BRWD1: variants seen among roughly 807,000 people sequenced by gnomAD.
BRWD1 encodes bromodomain and WD repeat-containing protein 1.
In BRWD1, 82 loss-of-function variants were observed where a neutral mutation model predicts 251.2. The ratio of observed to expected loss-of-function variants is 0.33; its 90% CI spans 0.27 to 0.39. The LOEUF is 0.39. Among genes scored for constraint, BRWD1 ranks in the 10% least tolerant of loss-of-function variants. The pLI, the probability that BRWD1 is intolerant of heterozygous loss-of-function variation, is 1.00. For synonymous variants in BRWD1, 918 were observed against 902.8 expected (o/e 1.02, Z -0.30); for missense variants, 2,233 against 2,711.6 (o/e 0.82, Z 3.92).
intron 21 of BRWD1, among the ~76,000 whole-genome samples, chr21:39,241,184 G>T (rs1254325944): frequency 6.6e-6 from 1 of 151,270 alleles, no homozygotes; most frequent in Non-Finnish European, 1.5e-5. Context: ...TAAATAACAG[G>T]GCTGGGCATG....
chr21:39,231,502 A>C (rs2033615458), intron 25 of BRWD1, among the ~76,000 whole-genome samples: 1 of 152,226 alleles, frequency 6.6e-6, no homozygotes, highest in Admixed American at 6.5e-5. Context: ...GTTTCTGTCA[A>C]CAGTGAGTGA....
In BRWD1 at chr21:39,210,857, G is replaced by A. The variant is rs1185090343; in HGVS notation, c.3973C>T (p.Leu1325=). 1 of 1,612,866 alleles carries A rather than the reference G, an allele frequency of 6.2e-7. No individual in the cohort carries two copies. The highest frequency in any genetic ancestry group is 8.5e-7 in the Non-Finnish European group (1 of 1,179,524). ...ESNWKKQCKE[L]VNLIFQCEDS... ...TCACACTGAAAAATTAAGTTCACTAGTTCCTTACACTGTTTCTTCCAGTTG... is the reference window on the plus strand; with the variant it reads ...TCACACTGAAAAATTAAGTTCACTAATTCCTTACACTGTTTCTTCCAGTTG... Residue 1325 remains leucine (L), a synonymous_variant, in exon 35 of 41, where the codon CTA becomes TTA. Transcript: ENST00000342449.
In BRWD1 at chr21:39,196,953, T is replaced by C. The variant is rs2146454699; in HGVS notation, c.6116A>G (p.Asp2039Gly). The C allele has an allele frequency of 6.2e-7, 1 of 1,613,984 alleles. No homozygotes were observed. The highest frequency in any genetic ancestry group is 8.5e-7 in the Non-Finnish European group (1 of 1,179,924). Residue 2039 changes from aspartate to glycine, a missense_variant, in exon 41 of 41, where the codon GAT becomes GGT. Asp to Gly is a moderately conservative substitution (Grantham distance 94). Around this residue, in one of 12 missense-constraint regions of BRWD1, gnomAD observed 928 missense variants for 970.0 expected, o/e 0.96. Transcript: ENST00000342449. ...GGAACTTTTTCTTTTAGAAGGTGCATCTATTTTGTGAATATTGGTATGCCT... is the reference window on the plus strand; with the variant it reads ...GGAACTTTTTCTTTTAGAAGGTGCACCTATTTTGTGAATATTGGTATGCCT... ...KHRHTNIHKI[D>G]APSKRKSSSV... is the part of the protein sequence containing the mutation.
upstream of BRWD1, among the ~76,000 whole-genome samples, chr21:39,317,388 A>T (rs2036709708): frequency 6.6e-6 from 1 of 152,366 alleles, no homozygotes; most frequent in Non-Finnish European, 1.5e-5. Context: ...TTGCATTTTC[A>T]AGGGAACCAA....
rs530300754 is a variant in BRWD1, at chr21:39,301,751, G to A, written c.199-3169C>T. Among the ~76,000 whole-genome samples, 8 of 152,094 alleles carry A rather than the reference G, an allele frequency of 5.3e-5. No individual in the cohort carries two copies. In the East Asian group the frequency reaches 1.5e-3, roughly 29 times the overall value. On this transcript the variant is annotated intron_variant, in intron 4 of 40. Transcript: ENST00000342449. ...TAGATCATGACTACAGGACAACATA[G>A]TAAAACTGCTGAAAATCAAAGACAA...
At chr21:39,291,771 T>C (rs2035814714) in intron 8 of BRWD1, among the ~76,000 whole-genome samples, 2 of 152,114 alleles carry the variant, frequency 1.3e-5, no homozygotes, top group Non-Finnish European at 2.9e-5. Context: ...CATGATTCCT[T>C]AGTGCATCTG....
At chr21:39,220,223 C>T (rs537260397) in intron 29 of BRWD1, among the ~76,000 whole-genome samples, 1 of 152,200 alleles carries the variant, frequency 6.6e-6, no homozygotes, top group Admixed American at 6.5e-5. Context: ...CTGATCAACC[C>T]ACACGTGTGA....
intron 8 of BRWD1, among the ~76,000 whole-genome samples, chr21:39,289,805 A>G (rs889443287): frequency 2.6e-5 from 4 of 151,934 alleles, no homozygotes. Flanking sequence ...CGGGCGGATC[A>G]TGAGGTCAGG....
At chr21:39,301,077 A>G (rs4818013) in intron 4 of BRWD1, among the ~76,000 whole-genome samples, 151,815 of 151,990 alleles carry the variant, frequency 1, 75,820 homozygotes, top group Middle Eastern at 1. Context: ...TGCTGGGGAG[A>G]CTGAGGCAGG....
intron 8 of BRWD1, among the ~76,000 whole-genome samples, chr21:39,285,871 C>CAAAAAAAAAAAAAAAAAAAAA (rs113834787): frequency 2.0e-5 from 2 of 101,474 alleles, no homozygotes; most frequent in Non-Finnish European, 1.9e-5. Context: ...GCCCAGTCAA[C>CAAAAAAAAAAAAAAAAAAAAA]AAAAAAAAAA....
At chr21:39,203,446 T>C (rs867808895) in intron 37 of BRWD1, among the ~76,000 whole-genome samples, 2,374 of 136,360 alleles carry the variant, frequency 0.017, 84 homozygotes, top group African/African-American at 0.065. Context: ...TTCTTTTTTT[T>C]TTTTTTTTTT....
chr21:39,193,032 A>C lies in BRWD1; in HGVS notation c.*3227T>G. 1.0e-6 allele frequency: 1 copy of C among 985,148 alleles called. No homozygotes were observed. The allele number at this position is 985,148 out of a possible 1,614,324, so 61.0% of individuals were successfully genotyped here. ...CATAACGAGTGCAAAGGGCTTAGTG[A>C]TGCATCTTATTCTTTACTTTTGGAC... is the stretch of plus-strand genomic sequence containing the variant. On this transcript the variant is annotated 3_prime_UTR_variant, in exon 41 of 41. Transcript: ENST00000342449.
rs112772174 is a variant in BRWD1 at position 39,263,986 on chromosome 21, A to G, written c.1885+474T>C. Among the ~76,000 whole-genome samples, 26 of 152,320 alleles carry G rather than the reference A, an allele frequency of 1.7e-4. 2 individuals are homozygous for G. The highest frequency in any genetic ancestry group is 6.3e-4 in the African/African-American group (26 of 41,562). ...ACAAACCCAGATTGAGGCCTTCTAC[A>G]AAATTCCTGACCTGTAATCTTCAAA... is the stretch of plus-strand genomic sequence containing the variant. On this transcript the variant is annotated intron_variant, in intron 17 of 40. Coordinates refer to ENST00000342449, the MANE Select transcript of BRWD1 (RefSeq NM_033656.4).
intron 21 of BRWD1, among the ~76,000 whole-genome samples, chr21:39,242,566 A>G (rs1017413045): frequency 6.6e-5 from 10 of 152,232 alleles, no homozygotes; most frequent in Non-Finnish European, 1.0e-4. Flanking sequence ...AGTGGCTACA[A>G]TAACAGATTT....
intron 15 of BRWD1, among the ~76,000 whole-genome samples, chr21:39,267,996 G>C (rs952759320): frequency 5.3e-5 from 8 of 152,128 alleles, no homozygotes; most frequent in South Asian, 4.1e-4. Flanking sequence ...GCACACAGCA[G>C]GTAGCCCCTG....
intron 5 of BRWD1, 166 bp downstream of exon 5, chr21:39,298,266 T>A (rs754416206): frequency 1.6e-6 from 2 of 1,284,002 alleles, no homozygotes; most frequent in Non-Finnish European, 2.0e-6. Context: ...TAAACACTTA[T>A]GTAATAAAAT....
intron 29 of BRWD1, among the ~76,000 whole-genome samples, chr21:39,222,259 C>T (rs2033209127): frequency 1.3e-5 from 2 of 152,138 alleles, no homozygotes; most frequent in South Asian, 4.1e-4. Context: ...TATTCACCGC[C>T]AAATAATGGA....
At position 39,232,483 on chromosome 21, in the gene BRWD1, T is replaced by A; in HGVS notation, c.2782A>T (p.Thr928Ser). 3 of 1,587,612 alleles carry A rather than the reference T, an allele frequency of 1.9e-6. No individual in the cohort carries two copies. The highest frequency in any genetic ancestry group is 2.6e-6 in the Non-Finnish European group (3 of 1,174,036). ...TCCATATTTGCAAGCTCTGCTGGAGTCATCCTCCGCAAATTCTACCAAGGG... is the reference window on the plus strand; with the variant it reads ...TCCATATTTGCAAGCTCTGCTGGAGACATCCTCCGCAAATTCTACCAAGGG... ...KPKKENLRRMTPAELANMEHL... is the reference protein window; with the variant it reads ...KPKKENLRRMSPAELANMEHL... The change falls in exon 24 of 41, where the codon ACT becomes TCT. Residue 928 changes from threonine (T) to serine (S), a missense_variant. Around this residue, in one of 12 missense-constraint regions of BRWD1, gnomAD observed 214 missense variants for 222.0 expected, o/e 0.96. Transcript: ENST00000342449.
intron 36 of BRWD1, among the ~76,000 whole-genome samples, chr21:39,207,488 A>ACACACAC (rs781703011): frequency 6.7e-6 from 1 of 149,908 alleles, no homozygotes; most frequent in Non-Finnish European, 1.5e-5. Flanking sequence ...ACACACAAAC[A>ACACACAC]AAACTCCAAA....
Sources: allele counts gnomAD v4.1 joint callset (sites outside exome capture counted in the v4.1 genomes callset), GRCh38; gene constraint gnomAD v4.1.1; regional missense constraint gnomAD v4.1.1; transcripts MANE v1.5; gene names NCBI Gene and HGNC (gene_info 2026-07-23, HGNC 2026-07-21).